The following CEP76 variants were observed in gnomAD, a reference collection of about 807,000 sequenced individuals.
CEP76 encodes centrosomal protein 76.
A neutral mutation model predicts 83.3 loss-of-function variants in CEP76; 55 were observed. That is an observed-to-expected ratio of 0.66 (90% CI 0.53 to 0.83). CEP76 has a LOEUF of 0.83. Among genes scored for constraint, CEP76 ranks in the 40% least tolerant of loss-of-function variants. The probability of loss-of-function intolerance (pLI) is 0.00; values close to 1 mark genes in which losing one functional copy is unlikely to be tolerated. For synonymous variants in CEP76, 270 were observed against 274.5 expected (o/e 0.98, Z 0.16); for missense variants, 694 against 799.5 (o/e 0.87, Z 1.59).
At position 12,701,129 on chromosome 18, in the gene CEP76, ATAT is replaced by A; in HGVS notation, c.64-19_64-17del. On this transcript the variant is annotated splice_polypyrimidine_tract_variant and intron_variant, in intron 1 of 11. Coordinates refer to ENST00000262127, the MANE Select transcript of CEP76 (RefSeq NM_024899.4). Reference sequence around the variant, plus strand: ...GGACATCCATCTATGTAGAAAACTCATATTACAATTTATAACATCACAAAGCAG... The same window carrying A: ...GGACATCCATCTATGTAGAAAACTCATACAATTTATAACATCACAAAGCAG... 1 of 1,596,686 alleles carries A rather than the reference ATAT, an allele frequency of 6.3e-7. No individual in the cohort carries two copies. Among genetic ancestry groups the A allele is most frequent in the Non-Finnish European group, 8.5e-7 (1 of 1,170,964 alleles).
chr18:12,686,594 G>C, intron 7 of CEP76, 144 bp from the exon 8 acceptor site: 3 of 592,070 alleles, frequency 5.1e-6, no homozygotes, highest in South Asian at 4.1e-5. Flanking sequence ...GCTGCAAAGT[G>C]CTGTGTATAT....
intron 7 of CEP76, among the ~76,000 whole-genome samples, chr18:12,687,327 G>T (rs1404412170): frequency 6.6e-6 from 1 of 151,528 alleles, no homozygotes; most frequent in Non-Finnish European, 1.5e-5. Flanking sequence ...CCATACTTTA[G>T]CAAGGAAAAA....
intron 8 of CEP76, among the ~76,000 whole-genome samples, chr18:12,683,646 G>A (rs1305249836): frequency 6.6e-6 from 1 of 151,670 alleles, no homozygotes; most frequent in African/African-American, 2.4e-5. Context: ...AGCTACTAGG[G>A]AGGCTGAGGC....
chr18:12,668,654 A>G (rs1448326734), downstream of CEP76, among the ~76,000 whole-genome samples: 1 of 150,382 alleles, frequency 6.6e-6, no homozygotes, highest in African/African-American at 2.4e-5. Flanking sequence ...AATCCAATCA[A>G]AAAGCTGAAA....
At chr18:12,695,738 T>A (rs1333597378) in intron 5 of CEP76, among the ~76,000 whole-genome samples, 1 of 151,970 alleles carries the variant, frequency 6.6e-6, no homozygotes, top group Non-Finnish European at 1.5e-5. Context: ...TTAAGAAACT[T>A]TTCTGACTTA....
intron 8 of CEP76, chr18:12,684,930 TAAAC>T (rs1312296063): frequency 1.3e-5 from 2 of 152,176 alleles, no homozygotes; most frequent in East Asian, 1.9e-4. Flanking sequence ...AAATACAAAC[TAAAC>T]AAACTAAATA....
intron 11 of CEP76, 105 bp from the exon 12 acceptor site, chr18:12,673,608 G>GAGCCACCAC: frequency 1.2e-6 from 1 of 869,442 alleles, no homozygotes; most frequent in Non-Finnish European, 1.7e-6. Context: ...GGCTAGGCGT[G>GAGCCACCAC]GTGGCTCATG....
At chr18:12,669,057 T>TTTG (rs1465490040), downstream of CEP76, among the ~76,000 whole-genome samples, 3 of 128,834 alleles carry the variant, frequency 2.3e-5, no homozygotes, top group Non-Finnish European at 3.4e-5. Context: ...TTTTTTTTTT[T>TTTG]TGAGACAGAG....
At chr18:12,686,047 A>C in intron 8 of CEP76, 1 of 430,686 alleles carries the variant, frequency 2.3e-6, no homozygotes, top group Non-Finnish European at 4.1e-6. Context: ...GTTGTTACAC[A>C]CCATTTTTTA....
chr18:12,677,853 G>A (rs527721935), intron 10 of CEP76, among the ~76,000 whole-genome samples: 2 of 152,030 alleles, frequency 1.3e-5, no homozygotes, highest in Non-Finnish European at 2.9e-5. Context: ...TGACTCTAAG[G>A]GATGTGAACA....
chr18:12,702,601 G>GCT lies in CEP76; in HGVS notation c.-54_-53insAG, dbSNP rs2040198768. The GCT allele has an allele frequency of 4.5e-6, 7 of 1,566,102 alleles. No individual in the cohort carries two copies. The highest frequency in any genetic ancestry group is 1.2e-5 in the South Asian group (1 of 86,592). Reference sequence around the variant, plus strand: ...TCTCCCCGCCTCAGATGCCCTAACTGCGCGGCCCCGGCCGGGCCAGGGAGC... The same window carrying GCT: ...TCTCCCCGCCTCAGATGCCCTAACTGCTCGCGGCCCCGGCCGGGCCAGGGAGC... On this transcript the variant is annotated 5_prime_UTR_variant, in exon 1 of 12. Transcript: ENST00000262127.
intron 12 of CEP76, among the ~76,000 whole-genome samples, chr18:12,666,442 T>G (rs2038804879): frequency 6.7e-6 from 1 of 149,026 alleles, no homozygotes; most frequent in Non-Finnish European, 1.5e-5. Context: ...TATGGTTTTT[T>G]TTTTTTTTTT....
chr18:12,669,207 G>A (rs370777155), downstream of CEP76, among the ~76,000 whole-genome samples: 3 of 151,454 alleles, frequency 2.0e-5, no homozygotes, highest in Admixed American at 6.6e-5. Flanking sequence ...CCACCTCCCA[G>A]ATTGAAGCGA....
At chr18:12,691,588 A>C (rs940382050) in intron 6 of CEP76, 101 bp from the exon 7 acceptor site, 5 of 781,826 alleles carry the variant, frequency 6.4e-6, no homozygotes, top group South Asian at 2.1e-5. Flanking sequence ...TTACCACCCT[A>C]ATCTGAGTCA....
chr18:12,681,623 A>G (rs755080245), intron 8 of CEP76, among the ~76,000 whole-genome samples: 2 of 152,154 alleles, frequency 1.3e-5, no homozygotes, highest in Non-Finnish European at 2.9e-5. Context: ...AAGAAATGCA[A>G]ATAAATGGAA....
At chr18:12,663,120 T>TA (rs2038731970) in intron 12 of CEP76, among the ~76,000 whole-genome samples, 1 of 152,220 alleles carries the variant, frequency 6.6e-6, no homozygotes, top group South Asian at 2.1e-4. Context: ...AAATTACTGC[T>TA]AGTTGGCCTG....
rs1200158354 is a variant in CEP76 at position 12,699,843 on chromosome 18, C to T, written c.282G>A (p.Ser94=). The T allele has an allele frequency of 1.3e-6, 2 of 1,563,004 alleles. No individual in the cohort carries two copies. Among genetic ancestry groups the T allele is most frequent in the African/African-American group, 1.4e-5 (1 of 72,830 alleles). Residue 94 remains serine, a synonymous_variant, in exon 3 of 12, where the codon TCG becomes TCA. Transcript: ENST00000262127. The part of the protein sequence containing the change: ...PKQPICFDRQ[S]TLKKTNIDPT... ...AAATATACATACTTTTTTTTAATGT[C>T]GATTGTCTATCAAAACAAATAGGTT...
At chr18:12,695,658 G>A (rs1322064396) in intron 5 of CEP76, among the ~76,000 whole-genome samples, 3 of 151,972 alleles carry the variant, frequency 2.0e-5, no homozygotes, top group African/African-American at 7.3e-5. Flanking sequence ...TGATATTCCT[G>A]CCTCAGCCTT....
chr18:12,700,146 C>G (rs2040102653), intron 2 of CEP76: 1 of 296,126 alleles, frequency 3.4e-6, no homozygotes, highest in Non-Finnish European at 6.2e-6. Context: ...GTAATACTAT[C>G]CACATAAAGC....
Sources: gnomAD v4.1 joint callset for allele counts (sites outside exome capture counted in the v4.1 genomes callset) on GRCh38, gnomAD v4.1.1 for gene constraint, MANE v1.5 for transcripts, NCBI Gene and HGNC (gene_info 2026-07-23, HGNC 2026-07-21) for gene names.